The following RAB10 variants were observed in gnomAD, a reference collection of about 807,000 sequenced individuals.
RAB10 encodes the protein RAB10, member RAS oncogene family.
RAB10 carries 5 observed loss-of-function variants against 25.7 expected under a neutral mutation model. That is an observed-to-expected ratio of 0.19 (90% CI 0.10 to 0.41). The LOEUF (loss-of-function observed/expected upper bound fraction) is 0.41, where lower values mean the gene tolerates loss of function less well. Among genes scored for constraint, RAB10 ranks in the 10% least tolerant of loss-of-function variants. The pLI is 1.00. For synonymous variants in RAB10, 89 were observed against 86.4 expected (o/e 1.03, Z -0.16); for missense variants, 103 against 245.8 (o/e 0.42, Z 3.89).
intron 1 of RAB10, among the ~76,000 whole-genome samples, chr2:26,057,422 TAGAC>T (rs1167370967): frequency 1.4e-5 from 2 of 145,678 alleles, no homozygotes; most frequent in African/African-American, 2.6e-5. Context: ...CTGGGCAACA[TAGAC>T]AGTCTCTAAA....
intron 1 of RAB10, among the ~76,000 whole-genome samples, chr2:26,078,749 C>G (rs944345807): frequency 3.3e-5 from 5 of 152,028 alleles, no homozygotes; most frequent in Non-Finnish European, 5.9e-5. Flanking sequence ...AGTCAAGTTA[C>G]TAAAAGCCAG....
At chr2:26,073,345 T>A (rs1666667428) in intron 1 of RAB10, among the ~76,000 whole-genome samples, 1 of 152,240 alleles carries the variant, frequency 6.6e-6, no homozygotes, top group South Asian at 2.1e-4. Context: ...GCTGAGCTGC[T>A]AGAGGTATCC....
At chr2:26,074,919 G>C (rs1213872434) in intron 1 of RAB10, among the ~76,000 whole-genome samples, 2 of 152,156 alleles carry the variant, frequency 1.3e-5, no homozygotes, top group African/African-American at 4.8e-5. Context: ...CTTGGAACGG[G>C]TCTGGCATAT....
intron 1 of RAB10, among the ~76,000 whole-genome samples, chr2:26,089,855 C>T (rs892907688): frequency 6.6e-6 from 1 of 152,014 alleles, no homozygotes; most frequent in Non-Finnish European, 1.5e-5. Flanking sequence ...AAGTAGTGTA[C>T]TATAATTGCA....
chr2:26,046,587 A>T (rs1666007933), intron 1 of RAB10, among the ~76,000 whole-genome samples: 1 of 151,546 alleles, frequency 6.6e-6, no homozygotes, highest in African/African-American at 2.4e-5. Context: ...ACTGTTGATT[A>T]AAAAAAATTA....
intron 1 of RAB10, among the ~76,000 whole-genome samples, chr2:26,047,007 G>A (rs1207246875): frequency 1.3e-5 from 2 of 151,966 alleles, no homozygotes; most frequent in Non-Finnish European, 2.9e-5. Flanking sequence ...AGCAGTTTTG[G>A]GAAATTTTTA....
intron 1 of RAB10, among the ~76,000 whole-genome samples, chr2:26,040,922 C>G (rs759774844): frequency 9.2e-5 from 14 of 152,072 alleles, no homozygotes; most frequent in Non-Finnish European, 1.5e-4. Context: ...TATTTATGGT[C>G]AGATTTATTG....
At chr2:26,074,698 C>T (rs1574539062) in intron 1 of RAB10, among the ~76,000 whole-genome samples, 1 of 152,188 alleles carries the variant, frequency 6.6e-6, no homozygotes, top group Non-Finnish European at 1.5e-5. Context: ...GGATTACAGG[C>T]GTGAGCCACT....
chr2:26,096,281 C>G (rs1026377938), intron 1 of RAB10, among the ~76,000 whole-genome samples: 3 of 152,120 alleles, frequency 2.0e-5, no homozygotes, highest in Non-Finnish European at 2.9e-5. Context: ...CTATTGCTGT[C>G]ATTCATAACA....
intron 1 of RAB10, among the ~76,000 whole-genome samples, chr2:26,091,078 G>A (rs1393670525): frequency 6.6e-6 from 1 of 152,106 alleles, no homozygotes; most frequent in Non-Finnish European, 1.5e-5. Context: ...GTTTCTCAGG[G>A]ACTCTTTAAT....
chr2:26,111,688 T>C (rs977930132), intron 3 of RAB10, among the ~76,000 whole-genome samples: 1 of 152,158 alleles, frequency 6.6e-6, no homozygotes, highest in African/African-American at 2.4e-5. Context: ...TTCAGGTAAG[T>C]AGTCTGTAGT....
At chr2:26,056,550 T>C (rs1230457081) in intron 1 of RAB10, among the ~76,000 whole-genome samples, 3 of 152,196 alleles carry the variant, frequency 2.0e-5, no homozygotes, top group Non-Finnish European at 4.4e-5. Context: ...ACTACATTTA[T>C]CTAGAAATTA....
At chr2:26,050,093 T>C (rs1033791500) in intron 1 of RAB10, among the ~76,000 whole-genome samples, 1 of 152,234 alleles carries the variant, frequency 6.6e-6, no homozygotes, top group South Asian at 2.1e-4. Context: ...CCCTGTTTTT[T>C]TGCAATACCT....
intron 1 of RAB10, among the ~76,000 whole-genome samples, chr2:26,041,777 G>A (rs1362851607): frequency 1.3e-5 from 2 of 151,744 alleles, no homozygotes; most frequent in Admixed American, 6.6e-5. Context: ...GGTGGCGCAT[G>A]CCTGTAATCT....
rs549584058 is a variant in RAB10, at chr2:26,106,363, C to T, written c.189-3405C>T. 6.0e-4 allele frequency among the ~76,000 whole-genome samples: 91 copies of T among 152,184 alleles called. No homozygotes were observed. The Middle Eastern group carries it at 0.01, about 17-fold the overall frequency. ...TTTATTTAACCATAGTAATCTAGGA[C>T]AGTATGGTAATGGAGGAGGCCTAGA... On this transcript the variant is annotated intron_variant, in intron 2 of 5. Coordinates refer to ENST00000264710, the MANE Select transcript of RAB10 (RefSeq NM_016131.5).
chr2:26,061,092 C>CTTTTTTTTTTTTTTTTTT (rs5829993), intron 1 of RAB10, among the ~76,000 whole-genome samples: 249 of 83,656 alleles, frequency 3.0e-3, no homozygotes, highest in Middle Eastern at 0.01. Context: ...TTATCTCTGT[C>CTTTTTTTTTTTTTTTTTT]TTTTTTTTTT....
At chr2:26,033,397 C>T (rs1019757888), upstream of RAB10, among the ~76,000 whole-genome samples, 6 of 152,212 alleles carry the variant, frequency 3.9e-5, no homozygotes, top group Admixed American at 2.0e-4. Context: ...CTCTCCTCGC[C>T]CAGGAAGAGG....
At chr2:26,067,146 G>C (rs1360817291) in intron 1 of RAB10, among the ~76,000 whole-genome samples, 1 of 151,834 alleles carries the variant, frequency 6.6e-6, no homozygotes, top group Non-Finnish European at 1.5e-5. Context: ...CAAACTCCTG[G>C]GCTCAAGTGA....
intron 1 of RAB10, among the ~76,000 whole-genome samples, chr2:26,070,874 G>GT (rs1461209549): frequency 1.3e-5 from 2 of 152,066 alleles, no homozygotes; most frequent in Non-Finnish European, 2.9e-5. Context: ...CACCTAGGGA[G>GT]TTTTTTTGAC....
Sources: gnomAD v4.1 joint callset for allele counts (sites outside exome capture counted in the v4.1 genomes callset) on GRCh38, gnomAD v4.1.1 for gene constraint, MANE v1.5 for transcripts, NCBI Gene and HGNC (gene_info 2026-07-23, HGNC 2026-07-21) for gene names.